The following TMEM131L variants were observed in gnomAD, a reference collection of about 807,000 sequenced individuals.
TMEM131L encodes the protein transmembrane 131 like.
TMEM131L carries 54 observed loss-of-function variants against 192.2 expected under a neutral mutation model. That is an observed-to-expected ratio of 0.28 (90% CI 0.23 to 0.35). The LOEUF (loss-of-function observed/expected upper bound fraction) is 0.35. Ranked by LOEUF, TMEM131L falls within the 10% of genes least tolerant of loss-of-function variation. The pLI is 1.00. For missense variants in TMEM131L, 1,888 were observed against 1,972.9 expected, an observed-to-expected ratio of 0.96 and a Z score of 0.82; for synonymous variants, 701 against 704.9, an observed-to-expected ratio of 0.99 and a Z score of 0.09.
In TMEM131L at chr4:153,496,201, C is replaced by G. The variant is rs141748194; in HGVS notation, c.239+22313C>G. Among the ~76,000 whole-genome samples the G allele has an allele frequency of 9.3e-4, 142 of 152,306 alleles. 1 individual carries two copies. Among genetic ancestry groups the G allele is most frequent in the African/African-American group, 3.3e-3 (137 of 41,564 alleles). On this transcript the variant is annotated intron_variant, in intron 3 of 34. Transcript: ENST00000409959. ...TAGAAAGGTATCAAATTATCCTTGC[C>G]TAAGCATTACTTCACAGGCTGGTCC...
At chr4:153,470,804 G>C (rs1415414902) in intron 2 of TMEM131L, among the ~76,000 whole-genome samples, 1 of 152,180 alleles carries the variant, frequency 6.6e-6, no homozygotes, top group East Asian at 1.9e-4. Flanking sequence ...TGTCAGTCCT[G>C]TGGTACGCCC....
At chr4:153,492,597 A>G (rs556534773) in intron 3 of TMEM131L, among the ~76,000 whole-genome samples, 1 of 152,354 alleles carries the variant, frequency 6.6e-6, no homozygotes, top group South Asian at 2.1e-4. Flanking sequence ...TGAAACTGGC[A>G]TGGCATGCCT....
Position 153,492,781 on chromosome 4 carries a change from A to G in TMEM131L, c.239+18893A>G, listed in dbSNP as rs181958581. Reference sequence around the variant, plus strand: ...TTTAGGTGTTTTTTTTAACTTATATATCTTTTCTGGCTTTGTATAATTTGG... The same window carrying G: ...TTTAGGTGTTTTTTTTAACTTATATGTCTTTTCTGGCTTTGTATAATTTGG... On this transcript the variant is annotated intron_variant, in intron 3 of 34. Coordinates refer to ENST00000409959, the MANE Select transcript of TMEM131L (RefSeq NM_001131007.2). Among the ~76,000 whole-genome samples, 367 of 152,242 alleles carry G rather than the reference A, an allele frequency of 2.4e-3. 3 individuals carry two copies. The highest frequency in any genetic ancestry group is 8.3e-3 in the African/African-American group (344 of 41,534).
intron 3 of TMEM131L, among the ~76,000 whole-genome samples, chr4:153,504,606 G>A (rs1016681624): frequency 6.6e-6 from 1 of 151,982 alleles, no homozygotes. Flanking sequence ...TTTATGCTAA[G>A]CAAGAGAAAT....
intron 3 of TMEM131L, among the ~76,000 whole-genome samples, chr4:153,517,422 A>G (rs1734811708): frequency 2.6e-5 from 4 of 152,104 alleles, no homozygotes; most frequent in Admixed American, 2.6e-4. Context: ...GAATGTTTTT[A>G]CATGACTGTG....
intron 33 of TMEM131L, 125 bp from the exon 34 acceptor site, chr4:153,635,307 G>C: frequency 1.2e-6 from 1 of 849,546 alleles, no homozygotes; most frequent in Middle Eastern, 2.3e-4. Context: ...GGTCCACACG[G>C]ACCAAGTATT....
chr4:153,475,370 T>G (rs939119771), intron 3 of TMEM131L, among the ~76,000 whole-genome samples: 1 of 152,208 alleles, frequency 6.6e-6, no homozygotes, highest in Non-Finnish European at 1.5e-5. Flanking sequence ...CGGATAGTGC[T>G]GTAATAAAGC....
chr4:153,502,555 C>G (rs569425129), intron 3 of TMEM131L, among the ~76,000 whole-genome samples: 1 of 152,302 alleles, frequency 6.6e-6, no homozygotes, highest in East Asian at 1.9e-4. Flanking sequence ...GTAAACTAAT[C>G]ATTAAACCAT....
At chr4:153,551,646 G>A (rs142490602) in intron 4 of TMEM131L, among the ~76,000 whole-genome samples, 1 of 151,872 alleles carries the variant, frequency 6.6e-6, no homozygotes, top group East Asian at 1.9e-4. Flanking sequence ...ATGAGCCACC[G>A]CACCCAGCCT....
At chr4:153,632,671 G>A in intron 31 of TMEM131L, 47 bp from the exon 32 acceptor site, 12 of 1,610,396 alleles carry the variant, frequency 7.5e-6, no homozygotes, top group African/African-American at 1.3e-5. Context: ...GGTAGGATGA[G>A]GGCCAGGTGA....
intron 9 of TMEM131L, among the ~76,000 whole-genome samples, chr4:153,581,796 C>A (rs528205076): frequency 6.6e-6 from 1 of 152,222 alleles, no homozygotes; most frequent in East Asian, 1.9e-4. Flanking sequence ...AATTTTTCTT[C>A]ATGTTTGGAG....
At chr4:153,584,985 C>T in intron 12 of TMEM131L, 54 bp downstream of exon 12, 1 of 1,340,406 alleles carries the variant, frequency 7.5e-7, no homozygotes, top group Non-Finnish European at 1.1e-6. Context: ...TGTTGTTTTC[C>T]CCTCTAGAAA....
chr4:153,635,662 G>C (rs140523074), intron 34 of TMEM131L, 91 bp downstream of exon 34: 2 of 1,461,548 alleles, frequency 1.4e-6, no homozygotes, highest in Middle Eastern at 1.9e-4. Flanking sequence ...TAGCTTTAGC[G>C]TTGGGTTTGG....
At chr4:153,574,821 C>T (rs557676742) in intron 7 of TMEM131L, among the ~76,000 whole-genome samples, 4 of 152,134 alleles carry the variant, frequency 2.6e-5, no homozygotes, top group Non-Finnish European at 2.9e-5. Context: ...TTCTTGACCT[C>T]GAGTGATCCG....
At chr4:153,522,681 C>A (rs963815168) in intron 3 of TMEM131L, among the ~76,000 whole-genome samples, 1 of 152,194 alleles carries the variant, frequency 6.6e-6, no homozygotes, top group Non-Finnish European at 1.5e-5. Context: ...TGGGTTCCCT[C>A]GCCCTAGCCA....
chr4:153,555,773 G>T lies in TMEM131L; in HGVS notation c.309-14G>T. 6.5e-7 allele frequency: 1 copy of T among 1,547,184 alleles called. No individual in the cohort carries two copies. Among genetic ancestry groups the T allele is most frequent in the African/African-American group, 1.4e-5 (1 of 72,934 alleles). ...ACACAATACATTGATTTTTCTCTTT[G>T]TTTCTCCTCCTAGGTTCCTGGGACA... On this transcript the variant is annotated splice_polypyrimidine_tract_variant and intron_variant, in intron 4 of 34. Coordinates refer to ENST00000409959, the MANE Select transcript of TMEM131L (RefSeq NM_001131007.2). This position sits in a 1 kb window ranked among gnomAD's most constrained non-coding sequence, Gnocchi z 4.1.
intron 28 of TMEM131L, among the ~76,000 whole-genome samples, chr4:153,622,299 C>A (rs1435344474): frequency 2.6e-5 from 4 of 152,120 alleles, no homozygotes; most frequent in Non-Finnish European, 5.9e-5. Context: ...GGGTCTGGTA[C>A]CGGATAGTGG....
intron 3 of TMEM131L, among the ~76,000 whole-genome samples, chr4:153,479,491 G>C (rs1419919094): frequency 3.9e-5 from 6 of 152,142 alleles, no homozygotes; most frequent in Non-Finnish European, 5.9e-5. Context: ...CTGGCTCTCT[G>C]TATATATCTC....
At chr4:153,501,266 C>T (rs1281788417) in intron 3 of TMEM131L, among the ~76,000 whole-genome samples, 6 of 140,426 alleles carry the variant, frequency 4.3e-5, no homozygotes, top group South Asian at 4.5e-4. Context: ...AGTGCAGTGG[C>T]GCGATCTTGG....
Sources: gnomAD v4.1 joint callset for allele counts (sites outside exome capture counted in the v4.1 genomes callset) on GRCh38, gnomAD v4.1.1 for gene constraint, Gnocchi (gnomAD v3.1) non-coding constraint, MANE v1.5 for transcripts, NCBI Gene and HGNC (gene_info 2026-07-23, HGNC 2026-07-21) for gene names.